The following DOCK4 variants were observed in gnomAD, a reference collection of about 807,000 sequenced individuals.
The protein encoded by DOCK4 is dedicator of cytokinesis 4, also known as dedicator of cytokinesis protein 4.
DOCK4 carries 97 observed loss-of-function variants against 268.1 expected under a neutral mutation model. The ratio of observed to expected loss-of-function variants is 0.36; its 90% confidence interval spans 0.31 to 0.43. The LOEUF is 0.43. DOCK4 is among the 20% of genes least tolerant of loss of function. DOCK4 has a pLI of 1.00. For synonymous variants in DOCK4, 954 were observed against 887.2 expected, an observed-to-expected ratio of 1.08 and a Z score of -1.34; for missense variants, 2,145 against 2,455.7, an observed-to-expected ratio of 0.87 and a Z score of 2.67.
intron 36 of DOCK4, among the ~76,000 whole-genome samples, chr7:111,773,515 C>T (rs1360383421): frequency 6.6e-6 from 1 of 152,092 alleles, no homozygotes; most frequent in Admixed American, 6.5e-5. Flanking sequence ...ACTTACCTCC[C>T]GCATTTCTCT....
At chr7:111,861,745 C>CAAAA (rs35987323) in intron 23 of DOCK4, among the ~76,000 whole-genome samples, 1 of 114,624 alleles carries the variant, frequency 8.7e-6, no homozygotes, top group African/African-American at 3.0e-5. Context: ...GACTCAGTCT[C>CAAAA]AAAAAAAAAA....
rs571456912 is a variant in DOCK4 at position 112,021,723 on chromosome 7, T to A, written c.38-17592A>T. Reference sequence around the variant, plus strand: ...TTTAATTTATTTATTGCAAGGGGAGTTCTAGTCTAATATTTCCTCAGAGGG... The same window carrying A: ...TTTAATTTATTTATTGCAAGGGGAGATCTAGTCTAATATTTCCTCAGAGGG... On this transcript the variant is annotated intron_variant, in intron 1 of 52. Transcript: ENST00000428084. Among the ~76,000 whole-genome samples, 26 of 152,162 alleles carry A rather than the reference T, an allele frequency of 1.7e-4. No individual in the cohort carries two copies. In the South Asian group the frequency reaches 5.4e-3, roughly 32 times the overall value.
At chr7:111,805,817 TG>T (rs1800626487) in intron 30 of DOCK4, among the ~76,000 whole-genome samples, 1 of 152,208 alleles carries the variant, frequency 6.6e-6, no homozygotes, top group Admixed American at 6.5e-5. Context: ...CAGTTTCAAG[TG>T]GAAAAAAGTA....
intron 1 of DOCK4, among the ~76,000 whole-genome samples, chr7:112,165,986 G>A (rs1817582939): frequency 6.6e-6 from 1 of 152,098 alleles, no homozygotes; most frequent in South Asian, 2.1e-4. Context: ...TGCTGTTACT[G>A]AGGAGTAACT....
chr7:111,773,009 G>A (rs974062651), intron 36 of DOCK4, among the ~76,000 whole-genome samples: 2 of 152,184 alleles, frequency 1.3e-5, no homozygotes, highest in African/African-American at 4.8e-5. Flanking sequence ...TGGAAAAGAT[G>A]TGAAGACAAA....
At chr7:111,863,095 C>A in intron 23 of DOCK4, 2 of 351,186 alleles carry the variant, frequency 5.7e-6, no homozygotes, top group South Asian at 3.2e-5. Flanking sequence ...AATAAGGATC[C>A]TATCAGGTAC....
At chr7:111,942,355 T>G (rs907549527) in intron 10 of DOCK4, among the ~76,000 whole-genome samples, 9 of 152,336 alleles carry the variant, frequency 5.9e-5, no homozygotes, top group African/African-American at 1.9e-4. Context: ...CTTTTCCTAC[T>G]AAATAGGTAC....
chr7:112,159,674 G>A (rs563081062), intron 1 of DOCK4, among the ~76,000 whole-genome samples: 45 of 151,960 alleles, frequency 3.0e-4, no homozygotes, highest in Non-Finnish European at 5.3e-4. Flanking sequence ...TACCCCAGAC[G>A]CTTTCCCTAT....
intron 1 of DOCK4, among the ~76,000 whole-genome samples, chr7:112,152,580 C>T (rs745918356): frequency 6.6e-5 from 10 of 152,182 alleles, no homozygotes; most frequent in Non-Finnish European, 1.5e-4. Context: ...TCCCTGCCAT[C>T]GATTTTAAAT....
chr7:111,744,138 T>C (rs1796113021), intron 44 of DOCK4, among the ~76,000 whole-genome samples: 1 of 152,168 alleles, frequency 6.6e-6, no homozygotes. Flanking sequence ...GGCTTTCTAT[T>C]GCTTCCTCAG....
At chr7:111,838,633 T>C (rs1803428391) in intron 25 of DOCK4, among the ~76,000 whole-genome samples, 1 of 152,086 alleles carries the variant, frequency 6.6e-6, no homozygotes, top group Admixed American at 6.5e-5. Context: ...TATCAAATTC[T>C]AAAAAATGTA....
At chr7:111,852,809 C>T (rs1397763420) in intron 23 of DOCK4, among the ~76,000 whole-genome samples, 1 of 152,100 alleles carries the variant, frequency 6.6e-6, no homozygotes, top group African/African-American at 2.4e-5. Context: ...TGGGTAAATG[C>T]CAAACAAGCT....
chr7:111,979,902 T>C (rs1269788395), intron 7 of DOCK4, among the ~76,000 whole-genome samples: 2 of 152,176 alleles, frequency 1.3e-5, no homozygotes, highest in African/African-American at 4.8e-5. Flanking sequence ...AGAGAGCTTT[T>C]AAAAAATACT....
At chr7:111,812,493 G>A (rs1257220290) in intron 27 of DOCK4, among the ~76,000 whole-genome samples, 1 of 152,134 alleles carries the variant, frequency 6.6e-6, no homozygotes, top group African/African-American at 2.4e-5. Context: ...TGTTGACCAC[G>A]CTGGTCTTGA....
chr7:111,757,840 CA>C (rs1249296053), intron 41 of DOCK4, among the ~76,000 whole-genome samples: 12 of 152,032 alleles, frequency 7.9e-5, no homozygotes, highest in African/African-American at 2.9e-4. Context: ...AATTAACTCA[CA>C]AAAATAAGCT....
chr7:112,160,162 A>G (rs139744658), intron 1 of DOCK4, among the ~76,000 whole-genome samples: 46 of 152,306 alleles, frequency 3.0e-4, no homozygotes, highest in African/African-American at 1.1e-3. Flanking sequence ...ATCTCAGTGC[A>G]CTGCAGTCAG....
intron 1 of DOCK4, among the ~76,000 whole-genome samples, chr7:112,203,338 G>A (rs963137066): frequency 2.6e-5 from 4 of 152,056 alleles, no homozygotes; most frequent in Admixed American, 6.6e-5. Context: ...CTGACTTTTC[G>A]TTGTTTTAAT....
At chr7:111,979,012 A>G (rs1354386521) in intron 7 of DOCK4, among the ~76,000 whole-genome samples, 1 of 152,186 alleles carries the variant, frequency 6.6e-6, no homozygotes, top group African/African-American at 2.4e-5. Context: ...TAGTTCAGGG[A>G]TTTCAATTTC....
At chr7:112,093,722 T>C (rs1420234567) in intron 1 of DOCK4, among the ~76,000 whole-genome samples, 1 of 152,220 alleles carries the variant, frequency 6.6e-6, no homozygotes, top group Non-Finnish European at 1.5e-5. Flanking sequence ...ATTTTGATTC[T>C]AGTTTTTAAG....
Sources: allele counts gnomAD v4.1 joint callset (sites outside exome capture counted in the v4.1 genomes callset), GRCh38; gene constraint gnomAD v4.1.1; transcripts MANE v1.5; gene names NCBI Gene and HGNC (gene_info 2026-07-23, HGNC 2026-07-21).